Variants in ATXN7L1 observed in about 807,000 individuals in gnomAD.
The protein encoded by ATXN7L1 is ataxin-7-like protein 1.
A neutral mutation model predicts 70.8 loss-of-function variants in ATXN7L1; 15 were observed. The observed-to-expected ratio is 0.21, with a 90% CI of 0.14 to 0.33. The LOEUF (loss-of-function observed/expected upper bound fraction) is 0.33. Among genes scored for constraint, ATXN7L1 ranks in the 10% least tolerant of loss-of-function variants. ATXN7L1 has a pLI of 1.00. For synonymous variants in ATXN7L1, 440 were observed against 445.1 expected, an observed-to-expected ratio of 0.99 and a Z score of 0.14; for missense variants, 975 against 1,097.1, an observed-to-expected ratio of 0.89 and a Z score of 1.57.
intron 4 of ATXN7L1, among the ~76,000 whole-genome samples, chr7:105,652,682 C>A (rs1191216270): frequency 6.6e-6 from 1 of 152,234 alleles, no homozygotes; most frequent in East Asian, 1.9e-4. Context: ...ACAGAACACC[C>A]TCCATCCCCC....
intron 9 of ATXN7L1, among the ~76,000 whole-genome samples, chr7:105,619,524 ATATATATTTTTTTTTTTTTTTTTTTTTTT>A (rs1293741517): frequency 0.11 from 2,369 of 21,560 alleles, 67 homozygotes; most frequent in Middle Eastern, 0.14. Flanking sequence ...ATATATATAT[ATATATATTTTTTTTTTTTTTTTTTTTTTT>A]TTTTTTTTTT....
intron 2 of ATXN7L1, among the ~76,000 whole-genome samples, chr7:105,790,670 AT>A (rs1167881207): frequency 4.6e-5 from 6 of 129,094 alleles, no homozygotes; most frequent in African/African-American, 8.7e-5. Flanking sequence ...TCTACTATCT[AT>A]CTACTATCTA....
At position 105,638,409 on chromosome 7, in the gene ATXN7L1, T is replaced by G. The variant is rs1178089748; in HGVS notation, c.1146A>C (p.Pro382=). The change falls in exon 7 of 12, where the codon CCA becomes CCC. Residue 382 remains proline, a synonymous_variant. Transcript: ENST00000419735. ...SLLGSSGSSG[P]EPKVASPAKS... ...TTGCAGGGGATGCAACTTTTGGTTC[T>G]GGCCCAGAGCTCCCTGAAGACCCTA... 2 of 1,552,288 alleles carry G rather than the reference T, an allele frequency of 1.3e-6. No individual in the cohort carries two copies. Among genetic ancestry groups the G allele is most frequent in the Admixed American group, 2.0e-5 (1 of 51,012 alleles).
chr7:105,671,220 T>C (rs941133580), intron 3 of ATXN7L1, among the ~76,000 whole-genome samples: 1 of 149,594 alleles, frequency 6.7e-6, no homozygotes, highest in African/African-American at 2.5e-5. Flanking sequence ...GAGGCGGAGG[T>C]TGCAGTGAGC....
At chr7:105,641,045 G>A (rs1188531437) in intron 5 of ATXN7L1, among the ~76,000 whole-genome samples, 2 of 152,132 alleles carry the variant, frequency 1.3e-5, no homozygotes, top group African/African-American at 4.8e-5. Flanking sequence ...ATAAATGAAT[G>A]TATTCTATTT....
In ATXN7L1 at chr7:105,872,997, T is replaced by A. The variant is rs551488145; in HGVS notation, c.250+2815A>T. Reference sequence around the variant, plus strand: ...GTGAAACCCCATCTCTACTAAAAATTCAAAAAATCAGCCGGGCTTGGTGGC... The same window carrying A: ...GTGAAACCCCATCTCTACTAAAAATACAAAAAATCAGCCGGGCTTGGTGGC... On this transcript the variant is annotated intron_variant, in intron 2 of 11. Transcript: ENST00000419735. 6.6e-5 allele frequency among the ~76,000 whole-genome samples: 10 copies of A among 151,620 alleles called. No individual in the cohort carries two copies. The East Asian group carries it at 1.8e-3, about 27-fold the overall frequency.
chr7:105,828,188 A>G (rs1811130070), intron 2 of ATXN7L1, among the ~76,000 whole-genome samples: 1 of 152,204 alleles, frequency 6.6e-6, no homozygotes, highest in African/African-American at 2.4e-5. Context: ...TGCCCTTGCC[A>G]TATTGCTTCC....
chr7:105,781,257 A>C (rs959886290), intron 3 of ATXN7L1, among the ~76,000 whole-genome samples: 9 of 152,174 alleles, frequency 5.9e-5, no homozygotes, highest in Non-Finnish European at 1.3e-4. Flanking sequence ...CCCCCAAAAA[A>C]TCCTACTTCT....
chr7:105,646,882 T>C lies in ATXN7L1; in HGVS notation c.579-3761A>G, dbSNP rs539959179. Among the ~76,000 whole-genome samples, 6 of 152,094 alleles carry C rather than the reference T, an allele frequency of 3.9e-5. No homozygotes were observed. The East Asian group carries it at 7.7e-4, about 20-fold the overall frequency. ...TCACTTGAACCCAGGAGTTTGGGGC[T>C]GCAGAGAGCTAGGATTGTGCCACTG... On this transcript the variant is annotated intron_variant, in intron 4 of 11. Coordinates refer to ENST00000419735, the MANE Select transcript of ATXN7L1 (RefSeq NM_020725.2).
At chr7:105,738,058 C>T (rs760051593) in intron 3 of ATXN7L1, among the ~76,000 whole-genome samples, 4 of 152,216 alleles carry the variant, frequency 2.6e-5, no homozygotes, top group African/African-American at 7.2e-5. Context: ...CCACAACCAC[C>T]TAAAAGGGGT....
intron 3 of ATXN7L1, among the ~76,000 whole-genome samples, chr7:105,746,686 T>A (rs909513236): frequency 2.0e-5 from 3 of 152,250 alleles, no homozygotes; most frequent in African/African-American, 7.2e-5. Context: ...TGTGGTTCTC[T>A]GTGAATCCCA....
intron 2 of ATXN7L1, among the ~76,000 whole-genome samples, chr7:105,848,112 C>T (rs1814331097): frequency 6.6e-6 from 1 of 152,152 alleles, no homozygotes; most frequent in Non-Finnish European, 1.5e-5. Flanking sequence ...GAAAAAGCAA[C>T]TCATATAAGA....
At chr7:105,758,395 A>G (rs185539881) in intron 3 of ATXN7L1, among the ~76,000 whole-genome samples, 48 of 152,384 alleles carry the variant, frequency 3.1e-4, no homozygotes, top group Non-Finnish European at 5.4e-4. Context: ...ACTCAGTCAG[A>G]GCAGGAGCTA....
chr7:105,766,084 T>A (rs1584952320), intron 3 of ATXN7L1, among the ~76,000 whole-genome samples: 1 of 151,572 alleles, frequency 6.6e-6, no homozygotes, highest in Non-Finnish European at 1.5e-5. Context: ...GCAGGAGGTG[T>A]GCCGAGGGGC....
chr7:105,723,663 A>G (rs1795462706), intron 3 of ATXN7L1, among the ~76,000 whole-genome samples: 2 of 152,180 alleles, frequency 1.3e-5, no homozygotes, highest in African/African-American at 4.8e-5. Flanking sequence ...CATGTGTTTC[A>G]GGTTGGCACA....
At chr7:105,735,242 C>G (rs1187862095) in intron 3 of ATXN7L1, among the ~76,000 whole-genome samples, 1 of 152,160 alleles carries the variant, frequency 6.6e-6, no homozygotes, top group African/African-American at 2.4e-5. Context: ...AGTACTAGCT[C>G]AGCCAGGCAT....
intron 3 of ATXN7L1, among the ~76,000 whole-genome samples, chr7:105,672,851 T>C (rs1803978450): frequency 6.6e-6 from 1 of 152,226 alleles, no homozygotes; most frequent in Non-Finnish European, 1.5e-5. Context: ...GCTCATACCA[T>C]TGCCTAAGAC....
At chr7:105,861,521 C>T (rs1016068286) in intron 2 of ATXN7L1, among the ~76,000 whole-genome samples, 5 of 151,848 alleles carry the variant, frequency 3.3e-5, no homozygotes, top group African/African-American at 9.7e-5. Flanking sequence ...GGAAAACGCA[C>T]AGGCTCGGCT....
intron 3 of ATXN7L1, among the ~76,000 whole-genome samples, chr7:105,783,957 GT>G (rs1273011784): frequency 1.3e-5 from 2 of 151,992 alleles, no homozygotes; most frequent in East Asian, 1.9e-4. Flanking sequence ...TCTGGGTAGT[GT>G]TTTTTTGGTT....
Sources: gnomAD v4.1 joint callset for allele counts (sites outside exome capture counted in the v4.1 genomes callset) on GRCh38, gnomAD v4.1.1 for gene constraint, MANE v1.5 for transcripts, NCBI Gene and HGNC (gene_info 2026-07-23, HGNC 2026-07-21) for gene names.